CDKN2B: variants seen among roughly 807,000 people sequenced by gnomAD.
CDKN2B encodes the protein cyclin-dependent kinase 4 inhibitor B.
CDKN2B carries 8 observed loss-of-function variants against 7.7 expected under a neutral mutation model. The ratio of observed to expected loss-of-function variants is 1.04; its 90% CI spans 0.61 to 1.87. The LOEUF is 1.87. Among genes scored for constraint, CDKN2B ranks in the 40% most tolerant of loss-of-function variants. The pLI is 0.00. For synonymous variants in CDKN2B, 93 were observed against 95.8 expected (o/e 0.97, Z 0.17); for missense variants, 244 against 213.1 (o/e 1.15, Z -0.90).
Position 22,006,063 on chromosome 9 carries a change from C to G in CDKN2B, c.341G>C (p.Arg114Pro). Residue 114 changes from arginine (R) to proline (P), a missense_variant, in exon 2 of 2, where the codon CGT (arginine) becomes CCT (proline). By Grantham distance (103) the Arg-to-Pro change is moderately radical. Transcript: ENST00000276925. The surrounding 1 kb of genome is among the most constrained non-coding windows in gnomAD (Gnocchi z 6.4). ...CTCCTCGGCCAAGTCCACGGGCAGA[C>G]GACCCCAGGCATCGCGCACGTCCAG... Reference protein sequence around the residue: ...ARLDVRDAWGRLPVDLAEERG... With the variant: ...ARLDVRDAWGPLPVDLAEERG... 2 of 1,605,966 alleles carry G rather than the reference C, an allele frequency of 1.2e-6. No individual in the cohort carries two copies. Among genetic ancestry groups the G allele is most frequent in the East Asian group, 2.2e-5 (1 of 44,872 alleles).
chr9:22,009,229 C>G lies in CDKN2B; in HGVS notation c.-276G>C, dbSNP rs998559654. ...AAAAAGCGCCTAGCGCGGACGCAGC[C>G]GAGCTCAAAGCCGCTCTGGCCGCAG... On this transcript the variant is annotated 5_prime_UTR_variant, in exon 1 of 2. Coordinates refer to ENST00000276925, the MANE Select transcript of CDKN2B (RefSeq NM_004936.4). The G allele has an allele frequency of 5.2e-6, 3 of 578,164 alleles. No individual in the cohort carries two copies. The highest frequency in any genetic ancestry group is 3.0e-5 in the East Asian group (1 of 33,740). 35.8% of individuals were successfully genotyped at this position (578,164 alleles called of 1,614,324 possible). A position where few individuals can be genotyped will look rare whatever the true frequency, so the allele number is the denominator to read the frequency against.
rs373722871 is a variant in CDKN2B at position 22,008,972 on chromosome 9, G to T, written c.-19C>A. The T allele has an allele frequency of 6.2e-7, 1 of 1,613,042 alleles. No individual in the cohort carries two copies. The highest frequency in any genetic ancestry group is 1.3e-5 in the African/African-American group (1 of 74,920). ...CGCGCATTCCGCAGCCCCCAGACGC[G>T]CAGCGGCCCGGATAATCCACCGTTG... On this transcript the variant is annotated 5_prime_UTR_variant, in exon 1 of 2. Transcript: ENST00000276925.
rs3217985 is a variant in CDKN2B at position 22,005,454 on chromosome 9, A to G, written c.*533T>C. ...TAAAGCGCCGCCGGGGACTTACTGA[A>G]GCCCACCTCGGCCCTCCTCCACTTT... On this transcript the variant is annotated 3_prime_UTR_variant, in exon 2 of 2. Coordinates refer to ENST00000276925, the MANE Select transcript of CDKN2B (RefSeq NM_004936.4). This position sits in a 1 kb window ranked among gnomAD's most constrained non-coding sequence, Gnocchi z 4.9. 3 of 250,612 alleles carry G rather than the reference A, an allele frequency of 1.2e-5. No homozygotes were observed. Among genetic ancestry groups the G allele is most frequent in the Non-Finnish European group, 1.6e-5 (2 of 128,516 alleles). The allele number at this position is 250,612 out of a possible 1,614,324, so 15.5% of individuals were successfully genotyped here.
In CDKN2B at chr9:22,005,935, G is replaced by A. The variant is rs368728826; in HGVS notation, c.*52C>T. ...TTCATCGAATTAGGTGGGTGGGGGT[G>A]GGAAATTGGGTAAGAAAATAAAGTC... is the stretch of plus-strand genomic sequence containing the variant. On this transcript the variant is annotated 3_prime_UTR_variant, in exon 2 of 2. Transcript: ENST00000276925. This position sits in a 1 kb window ranked among gnomAD's most constrained non-coding sequence, Gnocchi z 4.9. 4.4e-5 allele frequency: 70 copies of A among 1,591,864 alleles called. 3 individuals are homozygous for A. The African/African-American group carries it at 5.9e-4, about 13-fold the overall frequency.
At chr9:22,008,020 G>C in intron 1 of CDKN2B, among the ~76,000 whole-genome samples, 1 of 152,096 alleles carries the variant, frequency 6.6e-6, no homozygotes, top group East Asian at 1.9e-4. Flanking sequence ...GTACAAAAGA[G>C]TTGTCCGAGA....
rs895648853 is a variant in CDKN2B, at chr9:22,005,891, C to T, written c.*96G>A. On this transcript the variant is annotated 3_prime_UTR_variant, in exon 2 of 2. Coordinates refer to ENST00000276925, the MANE Select transcript of CDKN2B (RefSeq NM_004936.4). The surrounding 1 kb of genome is among the most constrained non-coding windows in gnomAD (Gnocchi z 4.9). ...GGCTTGCAGGCTTACAGGCTTTCCG[C>T]CGCTCCCCGTTGGCAGCCTTCATCG... 2.0e-6 allele frequency: 3 copies of T among 1,506,810 alleles called. No homozygotes were observed. Among genetic ancestry groups the T allele is most frequent in the Admixed American group, 3.8e-5 (2 of 52,430 alleles). 93.3% of individuals were successfully genotyped at this position (1,506,810 alleles called of 1,614,324 possible).
Position 22,008,796 on chromosome 9 carries a change from A to G in CDKN2B, c.156+2T>C, listed in dbSNP as rs1408372403. On this transcript the variant is annotated splice_donor_variant, in intron 1 of 1. Transcript: ENST00000276925. LOFTEE classifies it high-confidence loss of function. Reference sequence around the variant, plus strand: ...CCGGCGAGGCCCTGGGGCCCCAGCTACCTGGATCGCGCGCCTCCCGAAACG... The same window carrying G: ...CCGGCGAGGCCCTGGGGCCCCAGCTGCCTGGATCGCGCGCCTCCCGAAACG... The G allele has an allele frequency of 3.1e-6, 5 of 1,605,804 alleles. No individual in the cohort carries two copies. The highest frequency in any genetic ancestry group is 4.3e-6 in the Non-Finnish European group (5 of 1,176,048).
At position 22,005,701 on chromosome 9, in the gene CDKN2B, T is replaced by C. The variant is rs1428736032; in HGVS notation, c.*286A>G. 1 of 547,354 alleles carries C rather than the reference T, an allele frequency of 1.8e-6. No homozygotes were observed. Among genetic ancestry groups the C allele is most frequent in the East Asian group, 3.1e-5 (1 of 31,962 alleles). 33.9% of individuals were successfully genotyped at this position (547,354 alleles called of 1,614,324 possible). On this transcript the variant is annotated 3_prime_UTR_variant, in exon 2 of 2. Coordinates refer to ENST00000276925, the MANE Select transcript of CDKN2B (RefSeq NM_004936.4). This position sits in a 1 kb window ranked among gnomAD's most constrained non-coding sequence, Gnocchi z 4.9. ...ATATGCACTTTCCCTCAGAAAACCC[T>C]GAAAAGCAAACGACCCCTGGAATGT... is the stretch of plus-strand genomic sequence containing the variant.
chr9:22,009,191 G>C lies in CDKN2B; in HGVS notation c.-238C>G, dbSNP rs1322950618. ...GCTCAAGAACCAGCGGGCGCGCCTG[G>C]ATTGCTTCTGGGAAAAAGCGCCTAG... On this transcript the variant is annotated 5_prime_UTR_variant, in exon 1 of 2. The change creates a new upstream start codon in the 5' untranslated region. Coordinates refer to ENST00000276925, the MANE Select transcript of CDKN2B (RefSeq NM_004936.4). 1 of 630,424 alleles carries C rather than the reference G, an allele frequency of 1.6e-6. No homozygotes were observed. Among genetic ancestry groups the C allele is most frequent in the African/African-American group, 1.8e-5 (1 of 54,110 alleles). 39.1% of individuals were successfully genotyped at this position (630,424 alleles called of 1,614,324 possible). A position where few individuals can be genotyped will look rare whatever the true frequency, so the allele number is the denominator to read the frequency against.
rs878986119 is a variant in CDKN2B at position 22,009,150 on chromosome 9, C to G, written c.-197G>C. The G allele has an allele frequency of 7.1e-6, 5 of 709,074 alleles. No individual in the cohort carries two copies. The highest frequency in any genetic ancestry group is 1.8e-5 in the African/African-American group (1 of 55,502). The allele number at this position is 709,074 out of a possible 1,614,324, so 43.9% of individuals were successfully genotyped here. A position where few individuals can be genotyped will look rare whatever the true frequency, so the allele number is the denominator to read the frequency against. ...GTGGCCGAGCGGCCGGTCGTTAGCT[C>G]CGGGCTTTTCCTGGCGCTCAAGAAC... On this transcript the variant is annotated 5_prime_UTR_variant, in exon 1 of 2. Transcript: ENST00000276925.
At position 22,008,970 on chromosome 9, in the gene CDKN2B, G is replaced by A; in HGVS notation, c.-17C>T. On this transcript the variant is annotated 5_prime_UTR_variant, in exon 1 of 2. Coordinates refer to ENST00000276925, the MANE Select transcript of CDKN2B (RefSeq NM_004936.4). ...CTCGCGCATTCCGCAGCCCCCAGACGCGCAGCGGCCCGGATAATCCACCGT... is the reference window on the plus strand; with the variant it reads ...CTCGCGCATTCCGCAGCCCCCAGACACGCAGCGGCCCGGATAATCCACCGT... 8 of 1,613,226 alleles carry A rather than the reference G, an allele frequency of 5.0e-6. No individual in the cohort carries two copies. Among genetic ancestry groups the A allele is most frequent in the Non-Finnish European group, 5.9e-6 (7 of 1,179,956 alleles).
Position 22,005,921 on chromosome 9 carries a change from A to G in CDKN2B, c.*66T>C, listed in dbSNP as rs1821149619. 3.2e-6 allele frequency: 5 copies of G among 1,541,718 alleles called. No individual in the cohort carries two copies. The highest frequency in any genetic ancestry group is 4.8e-5 in the East Asian group (2 of 41,814). On this transcript the variant is annotated 3_prime_UTR_variant, in exon 2 of 2. Coordinates refer to ENST00000276925, the MANE Select transcript of CDKN2B (RefSeq NM_004936.4). This position sits in a 1 kb window ranked among gnomAD's most constrained non-coding sequence, Gnocchi z 4.9. The stretch of plus-strand genomic sequence containing the variant: ...CCCCGTTGGCAGCCTTCATCGAATT[A>G]GGTGGGTGGGGGTGGGAAATTGGGT...
rs375443156 is a variant in CDKN2B at position 22,008,832 on chromosome 9, T to C, written c.122A>G (p.Asn41Ser). The C allele has an allele frequency of 2.0e-4, 320 of 1,608,630 alleles. No homozygotes were observed. The highest frequency in any genetic ancestry group is 2.4e-4 in the Non-Finnish European group (280 of 1,177,832). ...GCGCCTCCCGAAACGGTTGACTCCG[T>C]TGGGATCCGCGCCGGCTTCCAGGAG... Reference protein sequence around the residue: ...RQLLEAGADPNGVNRFGRRAI... With the variant: ...RQLLEAGADPSGVNRFGRRAI... The change falls in exon 1 of 2, where the codon AAC becomes AGC. Residue 41 changes from asparagine to serine, a missense_variant. Physicochemically the swap from Asn to Ser is conservative, Grantham distance 46. Coordinates refer to ENST00000276925, the MANE Select transcript of CDKN2B (RefSeq NM_004936.4).
Position 22,004,044 on chromosome 9 carries a change from A to G in CDKN2B, c.*1943T>C, listed in dbSNP as rs932552665. On this transcript the variant is annotated 3_prime_UTR_variant, in exon 2 of 2. Coordinates refer to ENST00000276925, the MANE Select transcript of CDKN2B (RefSeq NM_004936.4). ...CTTGTAACCTTTGGCAAGTTACTTG[A>G]TATTTCTTTGCCTCATTGTCCTCAT... The G allele has an allele frequency of 5.6e-5, 13 of 232,622 alleles. No homozygotes were observed. Among genetic ancestry groups the G allele is most frequent in the Middle Eastern group, 1.2e-3 (1 of 804 alleles). The allele number at this position is 232,622 out of a possible 1,614,324, so 14.4% of individuals were successfully genotyped here.
chr9:22,007,461 T>C (rs1487294906), intron 1 of CDKN2B, among the ~76,000 whole-genome samples: 2 of 152,228 alleles, frequency 1.3e-5, no homozygotes, highest in Non-Finnish European at 2.9e-5. Flanking sequence ...GGAGTAATCC[T>C]GTAGCAGCCA....
Position 22,006,383 on chromosome 9 carries a change from T to A in CDKN2B, c.157-136A>T. ...CACCCAGTGCAGAGGTGTTCAGGTCTCTGATGTCTGGTGTTTCTTCATTTG... is the reference window on the plus strand; with the variant it reads ...CACCCAGTGCAGAGGTGTTCAGGTCACTGATGTCTGGTGTTTCTTCATTTG... On this transcript the variant is annotated intron_variant, in intron 1 of 1. Coordinates refer to ENST00000276925, the MANE Select transcript of CDKN2B (RefSeq NM_004936.4). This position sits in a 1 kb window ranked among gnomAD's most constrained non-coding sequence, Gnocchi z 6.4. The A allele has an allele frequency of 8.4e-7, 1 of 1,190,670 alleles. No homozygotes were observed. Among genetic ancestry groups the A allele is most frequent in the Non-Finnish European group, 1.2e-6 (1 of 837,570 alleles). The allele number at this position is 1,190,670 out of a possible 1,614,324, so 73.8% of individuals were successfully genotyped here.
chr9:22,007,462 G>A (rs62556545), intron 1 of CDKN2B, among the ~76,000 whole-genome samples: 171 of 152,314 alleles, frequency 1.1e-3, no homozygotes, highest in Non-Finnish European at 2.0e-3. Context: ...GAGTAATCCT[G>A]TAGCAGCCAT....
At position 22,005,753 on chromosome 9, in the gene CDKN2B, T is replaced by G; in HGVS notation, c.*234A>C. The stretch of plus-strand genomic sequence containing the variant: ...ACACACTCCTAAATATCCCTGGAAA[T>G]CCGCTTCTCTGTGTTTCGCTTCATG... On this transcript the variant is annotated 3_prime_UTR_variant, in exon 2 of 2. Coordinates refer to ENST00000276925, the MANE Select transcript of CDKN2B (RefSeq NM_004936.4). This position sits in a 1 kb window ranked among gnomAD's most constrained non-coding sequence, Gnocchi z 4.9. 1.6e-6 allele frequency: 1 copy of G among 610,962 alleles called. No individual in the cohort carries two copies. Among genetic ancestry groups the G allele is most frequent in the African/African-American group, 1.8e-5 (1 of 54,182 alleles). 37.8% of individuals were successfully genotyped at this position (610,962 alleles called of 1,614,324 possible).
intron 1 of CDKN2B, chr9:22,008,565 T>G: frequency 2.1e-5 from 24 of 1,158,100 alleles, no homozygotes; most frequent in Non-Finnish European, 2.9e-5. Context: ...TCTCTGATCA[T>G]GAGATGGCAG....
Sources: gnomAD v4.1 joint callset for allele counts (sites outside exome capture counted in the v4.1 genomes callset) on GRCh38, gnomAD v4.1.1 for gene constraint, Gnocchi (gnomAD v3.1) non-coding constraint, MANE v1.5 for transcripts, NCBI Gene and HGNC (gene_info 2026-07-23, HGNC 2026-07-21) for gene names.